TPO: variants seen among roughly 807,000 people sequenced by gnomAD.
The protein encoded by TPO is thyroid peroxidase.
Under a neutral mutation model 96.9 loss-of-function variants are expected in TPO, and 78 were observed. The ratio of observed to expected loss-of-function variants is 0.81; its 90% CI spans 0.67 to 0.97. The LOEUF (loss-of-function observed/expected upper bound fraction) is 0.97, where lower values mean the gene tolerates loss of function less well. Among genes scored for constraint, TPO ranks in the 50% least tolerant of loss-of-function variants. TPO has a pLI of 0.00. For synonymous variants in TPO, 547 were observed against 538.0 expected (o/e 1.02, Z -0.23); for missense variants, 1,252 against 1,274.8 (o/e 0.98, Z 0.27).
At chr2:1,385,815 A>G (rs551465216) in intron 1 of TPO, among the ~76,000 whole-genome samples, 1 of 152,066 alleles carries the variant, frequency 6.6e-6, no homozygotes, top group African/African-American at 2.4e-5. Flanking sequence ...TAGGGTGTCA[A>G]TTTTAGATCT....
Position 1,528,004 on chromosome 2 carries a change from A to AG in TPO, c.2618+11024dup, listed in dbSNP as rs1677029672. ...AACCTCCTCAAATCCCCCCAATGTG[A>AG]GGAACCTCCTCAAATCCTCCCACTA... On this transcript the variant is annotated intron_variant, in intron 15 of 16. Transcript: ENST00000329066. Among the ~76,000 whole-genome samples the AG allele has an allele frequency of 2.6e-5, 3 of 114,954 alleles. No homozygotes were observed. The South Asian group carries it at 9.6e-4, about 37-fold the overall frequency. The allele number at this position is 114,954 out of a possible 152,430, so 75.4% of individuals were successfully genotyped here. A position where few individuals can be genotyped will look rare whatever the true frequency, so the allele number is the denominator to read the frequency against.
intron 5 of TPO, among the ~76,000 whole-genome samples, chr2:1,452,045 C>T (rs1040785723): frequency 2.0e-5 from 3 of 151,916 alleles, no homozygotes; most frequent in African/African-American, 7.3e-5. Context: ...ATAGTCTTAC[C>T]ATGCATTTAT....
chr2:1,432,209 A>G (rs1665047241), intron 3 of TPO, among the ~76,000 whole-genome samples: 1 of 152,254 alleles, frequency 6.6e-6, no homozygotes, highest in Non-Finnish European at 1.5e-5. Context: ...CATTCAGACA[A>G]GAAGGATGGT....
intron 16 of TPO, 86 bp from the exon 17 acceptor site, chr2:1,542,335 G>A: frequency 6.4e-7 from 1 of 1,558,274 alleles, no homozygotes; most frequent in Non-Finnish European, 8.8e-7. Flanking sequence ...CTCCTGTCCA[G>A]GCCCTTCTGT....
At chr2:1,420,650 C>A (rs1235557292) in intron 2 of TPO, among the ~76,000 whole-genome samples, 1 of 152,120 alleles carries the variant, frequency 6.6e-6, no homozygotes, top group African/African-American at 2.4e-5. Context: ...ATTCAGTGGG[C>A]ATCAGGAGCC....
In TPO at chr2:1,477,918, C is replaced by T. The variant is rs1260691458; in HGVS notation, c.1338+314C>T. The T allele has an allele frequency of 9.1e-6, 9 of 985,386 alleles. No individual in the cohort carries two copies. In the South Asian group the frequency reaches 3.3e-4, roughly 36 times the overall value. The allele number at this position is 985,386 out of a possible 1,614,324, so 61.0% of individuals were successfully genotyped here. A position where few individuals can be genotyped will look rare whatever the true frequency, so the allele number is the denominator to read the frequency against. On this transcript the variant is annotated intron_variant, in intron 8 of 16. Coordinates refer to ENST00000329066, the MANE Select transcript of TPO (RefSeq NM_001206744.2). ...CGGCTGGTGATTATCCCACCAAGAC[C>T]CAACAACCACAGCCCCACAACAGTG...
At chr2:1,425,868 TC>T (rs1243225168) in intron 3 of TPO, among the ~76,000 whole-genome samples, 4 of 151,284 alleles carry the variant, frequency 2.6e-5, no homozygotes, top group Non-Finnish European at 5.9e-5. Flanking sequence ...TTCGATCATT[TC>T]ATATCCTCAG....
rs543316492 is a variant in TPO, at chr2:1,530,803, G to C, written c.2619-9791G>C. 2.9e-3 allele frequency among the ~76,000 whole-genome samples: 254 copies of C among 86,232 alleles called. 38 individuals carry two copies. The highest frequency in any genetic ancestry group is 5.9e-3 in the South Asian group (14 of 2,386). 56.6% of individuals were successfully genotyped at this position (86,232 alleles called of 152,430 possible). ...GGGGGGCAACGTCCTCAAATCCCCC[G>C]ACTGTGTGCAACCTCCTGAAATCCC... On this transcript the variant is annotated intron_variant, in intron 15 of 16. Coordinates refer to ENST00000329066, the MANE Select transcript of TPO (RefSeq NM_001206744.2).
intron 15 of TPO, among the ~76,000 whole-genome samples, chr2:1,526,663 CCA>C (rs1676576879): frequency 7.2e-6 from 1 of 139,224 alleles, no homozygotes; most frequent in African/African-American, 2.7e-5. Context: ...CCTAAATCCC[CCA>C]AACTGTGTTC....
chr2:1,385,719 T>C (rs1190357107), intron 1 of TPO, among the ~76,000 whole-genome samples: 2 of 152,208 alleles, frequency 1.3e-5, no homozygotes, highest in East Asian at 1.9e-4. Flanking sequence ...CTACTTCAGT[T>C]CTGCTCTGAT....
At chr2:1,448,086 G>A (rs1199811215) in intron 5 of TPO, among the ~76,000 whole-genome samples, 1 of 152,136 alleles carries the variant, frequency 6.6e-6, no homozygotes, top group East Asian at 1.9e-4. Flanking sequence ...ACAGCACAGG[G>A]GTCTTGCCTG....
intron 10 of TPO, among the ~76,000 whole-genome samples, chr2:1,488,489 C>A (rs1288055153): frequency 3.3e-5 from 5 of 152,138 alleles, no homozygotes; most frequent in African/African-American, 1.2e-4. Flanking sequence ...CCCCACACCC[C>A]ACCCGGCTCC....
At chr2:1,387,282 CCTGGATAATATA>C (rs1279234750) in intron 1 of TPO, among the ~76,000 whole-genome samples, 1 of 152,178 alleles carries the variant, frequency 6.6e-6, no homozygotes, top group Non-Finnish European at 1.5e-5. Context: ...GGGATGTTCT[CCTGGATAATATA>C]CTGCAGAGTG....
intron 5 of TPO, among the ~76,000 whole-genome samples, chr2:1,450,622 TCCTGCTGA>T (rs1195939706): frequency 6.6e-6 from 1 of 152,152 alleles, no homozygotes; most frequent in Non-Finnish European, 1.5e-5. Flanking sequence ...CCCTTCTCAG[TCCTGCTGA>T]CCTGCTGACC....
In TPO at chr2:1,495,977, C is replaced by A; in HGVS notation, c.2007-12C>A. The stretch of plus-strand genomic sequence containing the variant: ...TGCACTGTGACCTTACTCACTGTCT[C>A]CTTCTCTGGAGGTTTTGGTGGGAGA... On this transcript the variant is annotated splice_polypyrimidine_tract_variant and intron_variant, in intron 11 of 16. Transcript: ENST00000329066. 1.9e-6 allele frequency: 3 copies of A among 1,611,232 alleles called. No homozygotes were observed. The South Asian group carries it at 3.3e-5, about 18-fold the overall frequency.
In TPO at chr2:1,453,476, G is replaced by T. The variant is rs533207316; in HGVS notation, c.483-218G>T. ...ACAGCATGTGCTGAGCTCGGGAGAGGGTGCCTGTGGGAACCAAGCCTCTGG... is the reference window on the plus strand; with the variant it reads ...ACAGCATGTGCTGAGCTCGGGAGAGTGTGCCTGTGGGAACCAAGCCTCTGG... On this transcript the variant is annotated intron_variant, in intron 5 of 16. Coordinates refer to ENST00000329066, the MANE Select transcript of TPO (RefSeq NM_001206744.2). 6.4e-4 allele frequency among the ~76,000 whole-genome samples: 98 copies of T among 152,214 alleles called. 1 individual carries two copies. The South Asian group carries it at 0.016, about 24-fold the overall frequency.
At chr2:1,399,969 C>T (rs1002568245) in intron 1 of TPO, among the ~76,000 whole-genome samples, 12 of 152,162 alleles carry the variant, frequency 7.9e-5, no homozygotes, top group African/African-American at 1.4e-4. Flanking sequence ...CACCCATGGC[C>T]GCCACCCTTC....
chr2:1,540,325 G>C (rs1455231851), intron 15 of TPO, among the ~76,000 whole-genome samples: 1 of 152,216 alleles, frequency 6.6e-6, no homozygotes, highest in Non-Finnish European at 1.5e-5. Flanking sequence ...CATGATTGTT[G>C]TAAGAAAGCC....
chr2:1,465,985 A>G (rs1308538829), intron 7 of TPO, among the ~76,000 whole-genome samples: 3 of 152,194 alleles, frequency 2.0e-5, no homozygotes, highest in Non-Finnish European at 4.4e-5. Context: ...CTCAGAGGGA[A>G]TGCTTTCAAC....
Sources: gnomAD v4.1 joint callset for allele counts (sites outside exome capture counted in the v4.1 genomes callset) on GRCh38, gnomAD v4.1.1 for gene constraint, MANE v1.5 for transcripts, NCBI Gene and HGNC (gene_info 2026-07-23, HGNC 2026-07-21) for gene names.